Variants in EGFL6 observed in about 807,000 individuals in gnomAD.
The protein encoded by EGFL6 is EGF like domain multiple 6, also known as epidermal growth factor-like protein 6.
In EGFL6, 42 loss-of-function variants were observed where a neutral mutation model predicts 43.1. That is an observed-to-expected ratio of 0.98 (90% CI 0.76 to 1.26). EGFL6 has a LOEUF of 1.26. Among genes scored for constraint, EGFL6 ranks in the 50% most tolerant of loss-of-function variants. The pLI, the probability that EGFL6 is intolerant of heterozygous loss-of-function variation, is 0.00. For synonymous variants in EGFL6, 164 were observed against 163.2 expected (o/e 1.01, Z -0.04); for missense variants, 429 against 427.8 (o/e 1.00, Z -0.02).
chrX:13,600,280 C>CTTCTTTTTTTTTTT (rs1326551826), intron 4 of EGFL6, among the ~76,000 whole-genome samples, 186 bp downstream of exon 4: 35 of 44,285 alleles, frequency 7.9e-4, no homozygotes, highest in East Asian at 2.0e-3. Context: ...TTTCTTTCTT[C>CTTCTTTTTTTTTTT]TTTTTTTTTT....
chrX:13,580,160 C>G (rs2045497568), intron 1 of EGFL6, among the ~76,000 whole-genome samples: 1 of 111,709 alleles, frequency 9.0e-6, no homozygotes, highest in South Asian at 3.8e-4. Context: ...TTTGCCTTCG[C>G]CCACACTTGT....
At chrX:13,597,740 C>T (rs1236955670) in intron 3 of EGFL6, among the ~76,000 whole-genome samples, 2 of 110,614 alleles carry the variant, frequency 1.8e-5, no homozygotes, top group African/African-American at 3.3e-5. Flanking sequence ...GCTGAGATCG[C>T]GCCACTGCAC....
chrX:13,597,045 A>T (rs1317144961), intron 3 of EGFL6, among the ~76,000 whole-genome samples: 1 of 112,197 alleles, frequency 8.9e-6, no homozygotes, highest in Non-Finnish European at 1.9e-5. Context: ...TCATAACTGG[A>T]TGTGGGAGGT....
chrX:13,592,678 G>A (rs2045570926), intron 2 of EGFL6, among the ~76,000 whole-genome samples: 1 of 110,269 alleles, frequency 9.1e-6, no homozygotes, highest in Non-Finnish European at 1.9e-5. Context: ...TAGGTGGCTG[G>A]AGAAATCTGT....
chrX:13,595,382 A>G (rs1459827866), intron 3 of EGFL6, among the ~76,000 whole-genome samples: 2 of 112,042 alleles, frequency 1.8e-5, no homozygotes, highest in East Asian at 5.6e-4. Flanking sequence ...AGCATAGTTA[A>G]GTTTGTCTTA....
chrX:13,599,193 T>G (rs5934117), intron 3 of EGFL6, among the ~76,000 whole-genome samples: 7,921 of 110,163 alleles, frequency 0.072, 237 homozygotes, highest in East Asian at 0.12. Flanking sequence ...AATATATAAA[T>G]TATCTATTTC....
At chrX:13,590,421 G>T (rs2045557075) in intron 2 of EGFL6, 1 of 111,850 alleles carries the variant, frequency 8.9e-6, no homozygotes, top group Admixed American at 9.5e-5. Context: ...TCTCACCAGG[G>T]GTGTATTCCT....
intron 1 of EGFL6, among the ~76,000 whole-genome samples, chrX:13,577,315 T>TAC (rs1428005464): frequency 6.7e-5 from 1 of 14,995 alleles, no homozygotes; most frequent in Non-Finnish European, 1.5e-4. Flanking sequence ...TATATATATA[T>TAC]ATATATATAT....
chrX:13,622,348 A>C (rs765295236), intron 9 of EGFL6, among the ~76,000 whole-genome samples: 198 of 112,211 alleles, frequency 1.8e-3, no homozygotes, highest in Non-Finnish European at 2.7e-3. Flanking sequence ...CCTTAGTTTT[A>C]GTTTCCTGAA....
intron 3 of EGFL6, among the ~76,000 whole-genome samples, chrX:13,595,617 C>T (rs1441209116): frequency 8.9e-6 from 1 of 112,174 alleles, no homozygotes; most frequent in Non-Finnish European, 1.9e-5. Context: ...TAACATTGTT[C>T]TCTGCATAGC....
chrX:13,609,560 T>C (rs924324988), intron 7 of EGFL6, among the ~76,000 whole-genome samples: 4 of 111,013 alleles, frequency 3.6e-5, no homozygotes, highest in Non-Finnish European at 5.7e-5. Context: ...AAGACCAGCC[T>C]GGCCAACATC....
chrX:13,615,091 A>T (rs757741677), intron 7 of EGFL6, among the ~76,000 whole-genome samples: 2 of 112,396 alleles, frequency 1.8e-5, no homozygotes, highest in South Asian at 7.4e-4. Context: ...TGATGCAATA[A>T]TCAATAAATC....
intron 1 of EGFL6, among the ~76,000 whole-genome samples, chrX:13,583,849 C>T (rs1392992996): frequency 8.9e-6 from 1 of 111,741 alleles, no homozygotes; most frequent in African/African-American, 3.3e-5. Flanking sequence ...AATCCAGCAC[C>T]ACTTTTAAGT....
At chrX:13,626,752 TCTTTGTGTATG>T (rs754096188) in intron 10 of EGFL6, among the ~76,000 whole-genome samples, 32 of 112,415 alleles carry the variant, frequency 2.8e-4, no homozygotes, top group Non-Finnish European at 5.4e-4. Flanking sequence ...TTACCCCATA[TCTTTGTGTATG>T]CTTTGTGTAT....
At chrX:13,580,183 C>G (rs2045497768) in intron 1 of EGFL6, among the ~76,000 whole-genome samples, 1 of 111,818 alleles carries the variant, frequency 8.9e-6, no homozygotes. Context: ...CTCTTCCCTT[C>G]TTCAACAGGA....
At chrX:13,574,139 C>T (rs1241072373) in intron 1 of EGFL6, among the ~76,000 whole-genome samples, 2 of 112,138 alleles carry the variant, frequency 1.8e-5, no homozygotes, top group Non-Finnish European at 3.8e-5. Context: ...CAGTAGAACA[C>T]GAGAATCCTA....
At chrX:13,603,470 C>A (rs1427528073) in intron 5 of EGFL6, 34 bp downstream of exon 5, 1 of 1,164,920 alleles carries the variant, frequency 8.6e-7, no homozygotes, top group Non-Finnish European at 1.1e-6. Flanking sequence ...ACTCCTCCTT[C>A]TCCTCCCTTG....
chrX:13,594,467 A>T (rs1448315407), intron 2 of EGFL6, among the ~76,000 whole-genome samples: 1 of 111,857 alleles, frequency 8.9e-6, no homozygotes, highest in African/African-American at 3.3e-5. Flanking sequence ...GCATTAAAAG[A>T]TTTTGATCAT....
chrX:13,573,162 T>C (rs866098744), intron 1 of EGFL6, among the ~76,000 whole-genome samples: 1 of 112,011 alleles, frequency 8.9e-6, no homozygotes, highest in African/African-American at 3.2e-5. Flanking sequence ...GAAAGTCCCT[T>C]TTGATATATA....
Sources: gnomAD v4.1 joint callset for allele counts (sites outside exome capture counted in the v4.1 genomes callset) on GRCh38, gnomAD v4.1.1 for gene constraint, MANE v1.5 for transcripts, NCBI Gene and HGNC (gene_info 2026-07-23, HGNC 2026-07-21) for gene names.